Variants in ADAMTS6 observed in about 807,000 individuals in gnomAD.
ADAMTS6 encodes ADAM metallopeptidase with thrombospondin type 1 motif 6.
Under a neutral mutation model 144.3 loss-of-function variants are expected in ADAMTS6, and 23 were observed. The observed-to-expected ratio is 0.16, with a 90% confidence interval of 0.11 to 0.23. The LOEUF is 0.23. ADAMTS6 is among the 10% of genes least tolerant of loss of function. ADAMTS6 has a pLI of 1.00. For synonymous variants in ADAMTS6, 444 were observed against 457.5 expected (o/e 0.97, Z 0.38); for missense variants, 999 against 1,379.6 (o/e 0.72, Z 4.37).
At chr5:65,329,927 C>T (rs912960634) in intron 8 of ADAMTS6, among the ~76,000 whole-genome samples, 10 of 151,902 alleles carry the variant, frequency 6.6e-5, no homozygotes, top group African/African-American at 1.9e-4. Flanking sequence ...AAGGGGGAAT[C>T]CCAAATTATT....
At chr5:65,252,148 C>T (rs904831070) in intron 14 of ADAMTS6, among the ~76,000 whole-genome samples, 1 of 152,004 alleles carries the variant, frequency 6.6e-6, no homozygotes, top group Non-Finnish European at 1.5e-5. Flanking sequence ...TAGGGATCCA[C>T]ATAGGAGGAA....
intron 7 of ADAMTS6, among the ~76,000 whole-genome samples, chr5:65,418,616 A>C (rs1755750499): frequency 1.3e-5 from 2 of 151,868 alleles, no homozygotes. Context: ...ACTTTAAAAA[A>C]TGGGAGAATG....
intron 9 of ADAMTS6, among the ~76,000 whole-genome samples, chr5:65,307,923 G>A (rs1225579586): frequency 6.6e-6 from 1 of 152,154 alleles, no homozygotes; most frequent in Non-Finnish European, 1.5e-5. Flanking sequence ...GGGTATTAAA[G>A]TCGCAGCCTC....
chr5:65,423,104 G>A (rs1338883695), intron 7 of ADAMTS6, among the ~76,000 whole-genome samples: 1 of 152,186 alleles, frequency 6.6e-6, no homozygotes. Context: ...AATTATAAAT[G>A]GGAGCTAAGC....
At chr5:65,319,499 G>A (rs1299814737) in intron 9 of ADAMTS6, among the ~76,000 whole-genome samples, 2 of 145,048 alleles carry the variant, frequency 1.4e-5, no homozygotes, top group Admixed American at 1.4e-4. Context: ...GGGAAACATG[G>A]TGAAACCCCA....
intron 7 of ADAMTS6, among the ~76,000 whole-genome samples, chr5:65,387,645 C>T (rs1245548655): frequency 6.6e-6 from 1 of 151,998 alleles, no homozygotes; most frequent in African/African-American, 2.4e-5. Flanking sequence ...GGTCACAGAG[C>T]GTGGTAAAGA....
intron 1 of ADAMTS6, among the ~76,000 whole-genome samples, chr5:65,477,993 G>A (rs538776585): frequency 2.6e-5 from 4 of 152,044 alleles, no homozygotes; most frequent in African/African-American, 9.6e-5. Flanking sequence ...CAGGCGTGGT[G>A]GTGCGCACCT....
rs1429312354 is a variant in ADAMTS6, at chr5:65,151,681, T to C, written c.*155A>G. ...TCCCACTTCACAGAAGCTAAAATAA[T>C]ATTGAAATTTTGTCAGCTAGGGCTG... On this transcript the variant is annotated 3_prime_UTR_variant, in exon 25 of 25. Transcript: ENST00000381055. 8.8e-6 allele frequency: 5 copies of C among 566,040 alleles called. No individual in the cohort carries two copies. The Admixed American group carries it at 8.9e-5, about 10-fold the overall frequency. 35.1% of individuals were successfully genotyped at this position (566,040 alleles called of 1,614,324 possible). A position where few individuals can be genotyped will look rare whatever the true frequency, so the allele number is the denominator to read the frequency against.
chr5:65,393,731 C>T (rs1358428952), intron 7 of ADAMTS6, among the ~76,000 whole-genome samples: 1 of 152,094 alleles, frequency 6.6e-6, no homozygotes, highest in Non-Finnish European at 1.5e-5. Context: ...ATTTAGGAGC[C>T]TATCTTTTGT....
chr5:65,398,145 G>A (rs1753511752), intron 7 of ADAMTS6, among the ~76,000 whole-genome samples: 1 of 152,176 alleles, frequency 6.6e-6, no homozygotes, highest in African/African-American at 2.4e-5. Flanking sequence ...ATATCCAGCT[G>A]ATTGACGGTG....
At chr5:65,455,142 CA>C (rs1759082403) in intron 4 of ADAMTS6, among the ~76,000 whole-genome samples, 1 of 152,186 alleles carries the variant, frequency 6.6e-6, no homozygotes, top group African/African-American at 2.4e-5. Flanking sequence ...TTCTTTTGAT[CA>C]TTTCCCCTTC....
chr5:65,382,465 T>C (rs538627006), intron 7 of ADAMTS6, among the ~76,000 whole-genome samples: 8 of 152,342 alleles, frequency 5.3e-5, no homozygotes, highest in East Asian at 1.9e-4. Flanking sequence ...TGGGTCATGA[T>C]TGTCAAATTC....
intron 7 of ADAMTS6, among the ~76,000 whole-genome samples, chr5:65,379,448 G>T (rs1012252979): frequency 3.3e-5 from 5 of 152,180 alleles, no homozygotes; most frequent in African/African-American, 1.2e-4. Flanking sequence ...AGTGTCACAA[G>T]GTGATAAAAA....
At chr5:65,372,183 G>T (rs931414668) in intron 7 of ADAMTS6, among the ~76,000 whole-genome samples, 4 of 130,844 alleles carry the variant, frequency 3.1e-5, no homozygotes, top group Admixed American at 2.8e-4. Context: ...AAAATGTAAA[G>T]ACCATCTGCA....
At chr5:65,293,921 A>G (rs1742571657) in intron 10 of ADAMTS6, among the ~76,000 whole-genome samples, 1 of 152,258 alleles carries the variant, frequency 6.6e-6, no homozygotes, top group Admixed American at 6.5e-5. Context: ...TATGAAATAA[A>G]ATATAAAGGA....
intron 3 of ADAMTS6, among the ~76,000 whole-genome samples, chr5:65,466,922 G>A (rs934736115): frequency 6.6e-6 from 1 of 151,808 alleles, no homozygotes; most frequent in Admixed American, 6.6e-5. Flanking sequence ...GGAGCCTGTA[G>A]TCCCAGCTAC....
chr5:65,216,038 A>G (rs1308415095), intron 18 of ADAMTS6, among the ~76,000 whole-genome samples: 1 of 152,222 alleles, frequency 6.6e-6, no homozygotes, highest in African/African-American at 2.4e-5. Flanking sequence ...TGCTGAATTT[A>G]TATTTCTTTC....
intron 4 of ADAMTS6, among the ~76,000 whole-genome samples, chr5:65,455,495 T>C (rs143221517): frequency 0.029 from 4,351 of 152,126 alleles, 210 homozygotes; most frequent in African/African-American, 0.098. Context: ...TGAGCCAAGA[T>C]CACACCACTG....
chr5:65,429,683 A>G (rs1012623954), intron 7 of ADAMTS6, among the ~76,000 whole-genome samples: 2 of 152,118 alleles, frequency 1.3e-5, no homozygotes, highest in Non-Finnish European at 2.9e-5. Context: ...TGAACATTTA[A>G]TCAGAAGAAG....
Sources: gnomAD v4.1 joint callset for allele counts (sites outside exome capture counted in the v4.1 genomes callset) on GRCh38, gnomAD v4.1.1 for gene constraint, MANE v1.5 for transcripts, NCBI Gene and HGNC (gene_info 2026-07-23, HGNC 2026-07-21) for gene names.